The following CNTNAP2 variants were observed in gnomAD, a reference collection of about 807,000 sequenced individuals.
The protein encoded by CNTNAP2 is contactin associated protein 2.
A neutral mutation model predicts 155.2 loss-of-function variants in CNTNAP2; 98 were observed. The ratio of observed to expected loss-of-function variants is 0.63; its 90% CI spans 0.54 to 0.75. The LOEUF (loss-of-function observed/expected upper bound fraction) is 0.75, where lower values mean the gene tolerates loss of function less well. Among genes scored for constraint, CNTNAP2 ranks in the 30% least tolerant of loss-of-function variants. The pLI, the probability that CNTNAP2 is intolerant of heterozygous loss-of-function variation, is 0.00. For synonymous variants in CNTNAP2, 651 were observed against 631.2 expected (o/e 1.03, Z -0.47); for missense variants, 1,727 against 1,688.1 (o/e 1.02, Z -0.40).
intron 3 of CNTNAP2, among the ~76,000 whole-genome samples, chr7:146,896,959 A>G (rs1795889733): frequency 6.6e-6 from 1 of 152,146 alleles, no homozygotes; most frequent in South Asian, 2.1e-4. Flanking sequence ...AGTATTTAAT[A>G]TATAATGTAA....
At chr7:146,760,371 C>T (rs1802072734) in intron 1 of CNTNAP2, among the ~76,000 whole-genome samples, 1 of 148,376 alleles carries the variant, frequency 6.7e-6, no homozygotes, top group African/African-American at 2.5e-5. Context: ...ATTCCACTGC[C>T]ACTGCCTTCA....
intron 13 of CNTNAP2, among the ~76,000 whole-genome samples, chr7:147,887,742 G>C (rs991745587): frequency 6.6e-6 from 1 of 152,098 alleles, no homozygotes; most frequent in African/African-American, 2.4e-5. Context: ...AATCCAGGGG[G>C]TTAGACTCTC....
intron 22 of CNTNAP2, among the ~76,000 whole-genome samples, chr7:148,408,248 C>T (rs1169164096): frequency 6.6e-6 from 1 of 152,068 alleles, no homozygotes; most frequent in Non-Finnish European, 1.5e-5. Context: ...GACCCTTTCC[C>T]CACACTGCCC....
chr7:148,391,853 C>T (rs966635493), intron 22 of CNTNAP2, among the ~76,000 whole-genome samples: 6 of 152,154 alleles, frequency 3.9e-5, no homozygotes, highest in African/African-American at 1.2e-4. Context: ...AATTTCTGCA[C>T]TAAGGAGCAA....
At chr7:148,006,608 CGT>C (rs749935778) in intron 15 of CNTNAP2, among the ~76,000 whole-genome samples, 9 of 147,660 alleles carry the variant, frequency 6.1e-5, no homozygotes, top group Non-Finnish European at 1.3e-4. Context: ...CATAAGCCAC[CGT>C]GCCCGGCCAT....
chr7:148,151,264 C>T (rs897007164), intron 17 of CNTNAP2, among the ~76,000 whole-genome samples: 7 of 152,040 alleles, frequency 4.6e-5, no homozygotes, highest in Non-Finnish European at 1.0e-4. Flanking sequence ...AGGAGAGTGC[C>T]TCGCCTAGGG....
chr7:147,910,100 TA>T (rs1267918847), intron 14 of CNTNAP2, among the ~76,000 whole-genome samples: 3 of 152,220 alleles, frequency 2.0e-5, no homozygotes, highest in Admixed American at 6.5e-5. Flanking sequence ...GAAACATATT[TA>T]TTTGGTTGGG....
At chr7:146,436,817 C>T (rs1796250039) in intron 1 of CNTNAP2, among the ~76,000 whole-genome samples, 2 of 151,558 alleles carry the variant, frequency 1.3e-5, no homozygotes, top group African/African-American at 4.9e-5. Flanking sequence ...ACATGTTATT[C>T]CGTTATATTA....
chr7:147,263,304 T>C (rs977874766), intron 8 of CNTNAP2, among the ~76,000 whole-genome samples: 5 of 151,724 alleles, frequency 3.3e-5, no homozygotes, highest in Non-Finnish European at 7.4e-5. Context: ...GAGGTTGCAG[T>C]GAGCTGTGAT....
At chr7:146,398,184 C>G (rs1165301855) in intron 1 of CNTNAP2, among the ~76,000 whole-genome samples, 1 of 107,052 alleles carries the variant, frequency 9.3e-6, no homozygotes, top group South Asian at 3.0e-4. Context: ...CGGCCCCAAA[C>G]TTTTTTTTTT....
rs80087145 is a variant in CNTNAP2 at position 147,222,937 on chromosome 7, T to C, written c.1349-77204T>C. On this transcript the variant is annotated intron_variant, in intron 8 of 23. Coordinates refer to ENST00000361727, the MANE Select transcript of CNTNAP2 (RefSeq NM_014141.6). ...GATAGAACCCCAACAGGTTGAATTC[T>C]GGTTAACCAGTTTCTCCTGAAGGCA... is the stretch of plus-strand genomic sequence containing the variant. Among the ~76,000 whole-genome samples, 1,027 of 152,058 alleles carry C rather than the reference T, an allele frequency of 6.8e-3. 9 individuals are homozygous for C. Among genetic ancestry groups the C allele is most frequent in the African/African-American group, 0.023 (970 of 41,504 alleles).
At chr7:148,131,767 G>A (rs115832346) in intron 16 of CNTNAP2, among the ~76,000 whole-genome samples, 2,497 of 152,228 alleles carry the variant, frequency 0.016, 78 homozygotes, top group African/African-American at 0.056. Context: ...AGAGTTAACA[G>A]TCAGTCAGTG....
At chr7:148,253,696 CA>C (rs1796410661) in intron 20 of CNTNAP2, among the ~76,000 whole-genome samples, 1 of 152,180 alleles carries the variant, frequency 6.6e-6, no homozygotes, top group Non-Finnish European at 1.5e-5. Flanking sequence ...TACCCTGTGA[CA>C]GTCATTCATC....
chr7:146,496,664 T>A (rs1403985788), intron 1 of CNTNAP2, among the ~76,000 whole-genome samples: 1 of 151,910 alleles, frequency 6.6e-6, no homozygotes, highest in Non-Finnish European at 1.5e-5. Context: ...AAAAGCCTTC[T>A]TTTTTTTCCC....
intron 8 of CNTNAP2, among the ~76,000 whole-genome samples, chr7:147,191,347 A>G (rs1461527331): frequency 6.6e-6 from 1 of 152,236 alleles, no homozygotes; most frequent in Non-Finnish European, 1.5e-5. Context: ...AAAGTTAAAT[A>G]TCATTTTTAT....
intron 4 of CNTNAP2, among the ~76,000 whole-genome samples, chr7:147,073,614 G>T (rs1479607645): frequency 6.6e-6 from 1 of 152,116 alleles, no homozygotes; most frequent in Admixed American, 6.5e-5. Flanking sequence ...AATAATGGCT[G>T]AATAATGGAA....
intron 8 of CNTNAP2, among the ~76,000 whole-genome samples, chr7:147,242,987 A>ATTTTTTTT (rs766917054): frequency 0.048 from 2,273 of 47,122 alleles, 645 homozygotes; most frequent in African/African-American, 0.082. Flanking sequence ...TATGCTTTGC[A>ATTTTTTTT]TTTTTTTTTT....
chr7:146,499,076 A>G (rs1308427498), intron 1 of CNTNAP2, among the ~76,000 whole-genome samples: 2 of 152,216 alleles, frequency 1.3e-5, no homozygotes, highest in African/African-American at 4.8e-5. Flanking sequence ...TAAATAGATT[A>G]TCTGTACTCT....
At chr7:147,830,154 G>T (rs1798524553) in intron 13 of CNTNAP2, among the ~76,000 whole-genome samples, 1 of 114,600 alleles carries the variant, frequency 8.7e-6, no homozygotes, top group South Asian at 3.3e-4. Flanking sequence ...AGTCCATTCG[G>T]GTTGCTATTA....
Sources: gnomAD v4.1 joint callset for allele counts (sites outside exome capture counted in the v4.1 genomes callset) on GRCh38, gnomAD v4.1.1 for gene constraint, MANE v1.5 for transcripts, NCBI Gene and HGNC (gene_info 2026-07-23, HGNC 2026-07-21) for gene names.